The following TACR1 variants were observed in gnomAD, a reference collection of about 807,000 sequenced individuals.
TACR1 encodes tachykinin receptor 1.
A neutral mutation model predicts 35.8 loss-of-function variants in TACR1; 25 were observed. The observed-to-expected ratio is 0.70, with a 90% CI of 0.51 to 0.98. The LOEUF is 0.98. TACR1 is among the 50% of genes least tolerant of loss of function. TACR1 has a pLI of 0.00. For synonymous variants in TACR1, 195 were observed against 206.7 expected (o/e 0.94, Z 0.48); for missense variants, 478 against 522.9 (o/e 0.91, Z 0.84).
chr2:75,067,838 A>T, intron 2 of TACR1, among the ~76,000 whole-genome samples: 1 of 152,008 alleles, frequency 6.6e-6, no homozygotes, highest in East Asian at 1.9e-4. Flanking sequence ...GGGCCATGAG[A>T]TGTGGTGGGG....
intron 2 of TACR1, 74 bp from the exon 3 acceptor site, chr2:75,053,829 T>C: frequency 1.3e-6 from 2 of 1,581,720 alleles, no homozygotes; most frequent in South Asian, 1.1e-5. Context: ...GTTATTGTTA[T>C]TGCAGTCAAG....
chr2:75,117,616 T>C (rs111368530), intron 2 of TACR1, among the ~76,000 whole-genome samples: 4 of 152,194 alleles, frequency 2.6e-5, no homozygotes, highest in African/African-American at 7.2e-5. Context: ...CGACTTACAA[T>C]AGGGTTAGAT....
At chr2:75,182,866 G>A (rs1321244987) in intron 1 of TACR1, among the ~76,000 whole-genome samples, 1 of 152,150 alleles carries the variant, frequency 6.6e-6, no homozygotes, top group Non-Finnish European at 1.5e-5. Flanking sequence ...ATTGTTAAGC[G>A]ATGTATTTCT....
At chr2:75,094,317 A>G (rs1673368661) in intron 2 of TACR1, among the ~76,000 whole-genome samples, 1 of 152,172 alleles carries the variant, frequency 6.6e-6, no homozygotes. Flanking sequence ...TAGGCTATGG[A>G]ATTTCGTCGG....
chr2:75,126,160 G>T (rs1345269785), intron 1 of TACR1, among the ~76,000 whole-genome samples: 1 of 151,892 alleles, frequency 6.6e-6, no homozygotes, highest in African/African-American at 2.4e-5. Flanking sequence ...CTTATAAGTG[G>T]GAACATGTGG....
At chr2:75,076,586 A>G (rs952478947) in intron 2 of TACR1, among the ~76,000 whole-genome samples, 4 of 152,304 alleles carry the variant, frequency 2.6e-5, no homozygotes, top group Admixed American at 2.0e-4. Context: ...GAAAGCTTGG[A>G]GTACAGCTTC....
At chr2:75,098,976 G>C (rs527299197) in intron 2 of TACR1, among the ~76,000 whole-genome samples, 1 of 151,776 alleles carries the variant, frequency 6.6e-6, no homozygotes, top group South Asian at 2.1e-4. Context: ...GTGGAGTGAG[G>C]GTTCTCCTGC....
At chr2:75,093,446 T>A (rs1358374258) in intron 2 of TACR1, among the ~76,000 whole-genome samples, 3 of 152,172 alleles carry the variant, frequency 2.0e-5, no homozygotes, top group African/African-American at 4.8e-5. Context: ...GATCTACTGC[T>A]AATCTCCCCT....
chr2:75,099,050 C>A (rs1182332444), intron 2 of TACR1, among the ~76,000 whole-genome samples: 4 of 152,064 alleles, frequency 2.6e-5, no homozygotes, highest in Non-Finnish European at 5.9e-5. Context: ...CTCTGAGGAG[C>A]ACATATCCTG....
intron 2 of TACR1, among the ~76,000 whole-genome samples, chr2:75,119,993 A>C (rs1321104959): frequency 6.6e-6 from 1 of 152,218 alleles, no homozygotes; most frequent in Non-Finnish European, 1.5e-5. Context: ...GATGTAAAAC[A>C]CAAACCACAG....
At chr2:75,116,261 C>T (rs1026556878) in intron 2 of TACR1, among the ~76,000 whole-genome samples, 7 of 152,050 alleles carry the variant, frequency 4.6e-5, no homozygotes, top group South Asian at 2.1e-4. Flanking sequence ...AGCTTGCCAC[C>T]ACGCAGAGCT....
intron 4 of TACR1, among the ~76,000 whole-genome samples, chr2:75,050,145 A>G (rs1480441876): frequency 2.0e-5 from 3 of 152,230 alleles, no homozygotes; most frequent in Admixed American, 6.5e-5. Context: ...TAGCCTGTTA[A>G]CTGAAGGAGG....
chr2:75,174,399 T>G (rs1675364566), intron 1 of TACR1, among the ~76,000 whole-genome samples: 1 of 152,170 alleles, frequency 6.6e-6, no homozygotes, highest in African/African-American at 2.4e-5. Flanking sequence ...CCAACAGGGC[T>G]ATTAAGTGAC....
At chr2:75,130,157 G>T (rs1259731214) in intron 1 of TACR1, among the ~76,000 whole-genome samples, 2 of 152,054 alleles carry the variant, frequency 1.3e-5, no homozygotes, top group Admixed American at 6.6e-5. Flanking sequence ...AATTTTTGGG[G>T]TCCCCTTAAA....
At chr2:75,094,244 T>C (rs1673367417) in intron 2 of TACR1, among the ~76,000 whole-genome samples, 1 of 152,178 alleles carries the variant, frequency 6.6e-6, no homozygotes, top group Non-Finnish European at 1.5e-5. Flanking sequence ...AGTTAAAGCA[T>C]TGTTCCAGGT....
chr2:75,076,335 C>G (rs943045942), intron 2 of TACR1, among the ~76,000 whole-genome samples: 1 of 152,234 alleles, frequency 6.6e-6, no homozygotes, highest in African/African-American at 2.4e-5. Context: ...GAAAACGCCA[C>G]TCTCAAATCC....
Position 75,198,807 on chromosome 2 carries a change from A to G in TACR1, c.128T>C (p.Val43Ala), listed in dbSNP as rs777925661. The change falls in exon 1 of 5, where the codon GTG (valine) becomes GCG (alanine). Residue 43 changes from valine to alanine, a missense_variant. Physicochemically the swap from Val to Ala is moderately conservative, Grantham distance 64. Transcript: ENST00000305249. ...CACGTTGCCCACCACAGAGGTCACC[A>G]CAATGACCGTGTAGGCAGCTGCCCA... ...VLWAAAYTVIVVTSVVGNVVV... is the reference protein window; with the variant it reads ...VLWAAAYTVIAVTSVVGNVVV... The G allele has an allele frequency of 5.0e-6, 8 of 1,614,184 alleles. No individual in the cohort carries two copies. The highest frequency in any genetic ancestry group is 6.8e-6 in the Non-Finnish European group (8 of 1,180,030).
At chr2:75,130,001 G>C (rs1572946914) in intron 1 of TACR1, among the ~76,000 whole-genome samples, 1 of 152,206 alleles carries the variant, frequency 6.6e-6, no homozygotes, top group African/African-American at 2.4e-5. Context: ...TGGGATTGGA[G>C]TGAGGTGAGT....
intron 2 of TACR1, among the ~76,000 whole-genome samples, chr2:75,119,452 G>A (rs754908965): frequency 2.0e-5 from 3 of 152,142 alleles, no homozygotes; most frequent in Non-Finnish European, 4.4e-5. Context: ...TAAAAAACCC[G>A]AGATTGGAGA....
Sources: allele counts gnomAD v4.1 joint callset (sites outside exome capture counted in the v4.1 genomes callset), GRCh38; gene constraint gnomAD v4.1.1; transcripts MANE v1.5; gene names NCBI Gene and HGNC (gene_info 2026-07-23, HGNC 2026-07-21).